Variants in NRXN1 observed in about 807,000 individuals in gnomAD.
NRXN1 encodes neurexin-1.
NRXN1 carries 39 observed loss-of-function variants against 150.9 expected under a neutral mutation model. That is an observed-to-expected ratio of 0.26 (90% confidence interval 0.20 to 0.34). NRXN1 has a LOEUF of 0.34. Among genes scored for constraint, NRXN1 ranks in the 10% least tolerant of loss-of-function variants. The pLI is 1.00. For missense variants in NRXN1, 1,815 were observed against 1,949.9 expected (o/e 0.93, Z 1.30); for synonymous variants, 924 against 757.0 (o/e 1.22, Z -3.62).
chr2:50,823,061 C>T (rs528823454), intron 5 of NRXN1, among the ~76,000 whole-genome samples: 105 of 152,258 alleles, frequency 6.9e-4, no homozygotes, highest in African/African-American at 2.4e-3. Flanking sequence ...TGCACTTGCA[C>T]CCTGGAGACC....
intron 21 of NRXN1, among the ~76,000 whole-genome samples, chr2:49,990,101 T>G (rs984226255): frequency 3.3e-4 from 47 of 144,504 alleles, no homozygotes; most frequent in Non-Finnish European, 6.9e-4. Flanking sequence ...AGCAATAAAT[T>G]TAAAAAAAAA....
rs1554047726 is a variant in NRXN1, at chr2:50,753,964, T to TTGG, written c.833-130350_833-130349insCCA. Among the ~76,000 whole-genome samples, 481 of 117,846 alleles carry TTGG rather than the reference T, an allele frequency of 4.1e-3. 13 individuals carry two copies. The highest frequency in any genetic ancestry group is 0.038 in the Admixed American group (372 of 9,680). The allele number at this position is 117,846 out of a possible 152,430, so 77.3% of individuals were successfully genotyped here. Reference sequence around the variant, plus strand: ...TAAATTCATCATGACGATTTTTTTTTGGGGGGGGGCGGAATTCCCAATGGC... The same window carrying TTGG: ...TAAATTCATCATGACGATTTTTTTTTTGGGGGGGGGGGCGGAATTCCCAATGGC... On this transcript the variant is annotated intron_variant, in intron 5 of 22. Transcript: ENST00000401669.
intron 5 of NRXN1, among the ~76,000 whole-genome samples, chr2:50,843,743 TTGA>T (rs201611867): frequency 0.013 from 1,948 of 152,238 alleles, 19 homozygotes; most frequent in Non-Finnish European, 0.02. Flanking sequence ...GGTAAACAAC[TTGA>T]TGGTTAATTA....
intron 21 of NRXN1, among the ~76,000 whole-genome samples, chr2:49,952,632 CA>C (rs1425106996): frequency 6.6e-6 from 1 of 152,002 alleles, no homozygotes; most frequent in Non-Finnish European, 1.5e-5. Context: ...AAAGAAAATG[CA>C]AATTATTGAA....
At chr2:49,990,030 G>A (rs773554694) in intron 21 of NRXN1, among the ~76,000 whole-genome samples, 14 of 151,754 alleles carry the variant, frequency 9.2e-5, no homozygotes, top group Admixed American at 1.3e-4. Flanking sequence ...CCTCACTTAC[G>A]GATTAGATCA....
At chr2:50,655,943 C>A (rs1230484042) in intron 5 of NRXN1, among the ~76,000 whole-genome samples, 1 of 151,930 alleles carries the variant, frequency 6.6e-6, no homozygotes, top group Non-Finnish European at 1.5e-5. Flanking sequence ...AAACTCAAAT[C>A]ACTTTTAAAC....
intron 17 of NRXN1, among the ~76,000 whole-genome samples, chr2:50,248,658 T>C (rs528901084): frequency 6.6e-6 from 1 of 152,176 alleles, no homozygotes; most frequent in Non-Finnish European, 1.5e-5. Context: ...CATAATGTCA[T>C]TGTAAATATC....
At chr2:50,553,621 G>A (rs537425045) in intron 8 of NRXN1, among the ~76,000 whole-genome samples, 42 of 152,324 alleles carry the variant, frequency 2.8e-4, no homozygotes, top group African/African-American at 8.9e-4. Context: ...GAAGATCCCT[G>A]ACCTGCATCA....
intron 5 of NRXN1, among the ~76,000 whole-genome samples, chr2:50,776,352 T>C (rs1372292560): frequency 1.3e-5 from 2 of 152,040 alleles, no homozygotes; most frequent in African/African-American, 2.4e-5. Flanking sequence ...AATTAACATG[T>C]CCCTGATTTG....
Position 50,346,869 on chromosome 2 carries a change from T to TGCG in NRXN1, c.3365-109902_3365-109900dup, listed in dbSNP as rs1440459434. 26 of 1,382,270 alleles carry TGCG rather than the reference T, an allele frequency of 1.9e-5. No homozygotes were observed. Among genetic ancestry groups the TGCG allele is most frequent in the Admixed American group, 9.5e-5 (3 of 31,614 alleles). 85.6% of individuals were successfully genotyped at this position (1,382,270 alleles called of 1,614,324 possible). On this transcript the variant is annotated intron_variant, in intron 17 of 22. Coordinates refer to ENST00000401669, the MANE Select transcript of NRXN1 (RefSeq NM_001330078.2). This position sits in a 1 kb window ranked among gnomAD's most constrained non-coding sequence, Gnocchi z 5.0. ...TCCAAAGCAGGGCCAGGCGCCCCCC[T>TGCG]GCGCCGCCGCCGCCGCCGCCGCCGC...
chr2:50,381,138 C>G (rs2080927177), intron 17 of NRXN1, among the ~76,000 whole-genome samples: 1 of 152,004 alleles, frequency 6.6e-6, no homozygotes, highest in Non-Finnish European at 1.5e-5. Context: ...ATGAATGGAA[C>G]ATGGATAAGC....
At chr2:50,152,115 ATTG>A (rs2058731701) in intron 18 of NRXN1, among the ~76,000 whole-genome samples, 1 of 151,862 alleles carries the variant, frequency 6.6e-6, no homozygotes, top group Middle Eastern at 3.4e-3. Context: ...GTGCACTCAT[ATTG>A]TTGTACAACG....
intron 17 of NRXN1, among the ~76,000 whole-genome samples, chr2:50,266,002 A>ATTTAT (rs2068814152): frequency 1.2e-5 from 1 of 84,714 alleles, no homozygotes; most frequent in Non-Finnish European, 2.6e-5. Flanking sequence ...ATTATTATTT[A>ATTTAT]TTTTTTTTTT....
At chr2:50,421,018 G>GTGTGTT (rs2083950904) in intron 17 of NRXN1, among the ~76,000 whole-genome samples, 3 of 122,382 alleles carry the variant, frequency 2.5e-5, no homozygotes, top group Non-Finnish European at 5.1e-5. Context: ...GTGTGTGTGT[G>GTGTGTT]TTTCACATTG....
chr2:50,408,307 C>A (rs7599052), intron 17 of NRXN1, among the ~76,000 whole-genome samples: 20,540 of 152,136 alleles, frequency 0.14, 1,998 homozygotes, highest in East Asian at 0.38. Context: ...CAAGATCACA[C>A]TAATAAAGAA....
chr2:50,770,691 C>A (rs1301216256), intron 5 of NRXN1, among the ~76,000 whole-genome samples: 3 of 151,858 alleles, frequency 2.0e-5, no homozygotes, highest in Non-Finnish European at 4.4e-5. Context: ...TTTTTTATTA[C>A]TATTTTTCAA....
At chr2:50,432,570 G>A (rs1431954606) in intron 17 of NRXN1, among the ~76,000 whole-genome samples, 1 of 152,142 alleles carries the variant, frequency 6.6e-6, no homozygotes, top group Non-Finnish European at 1.5e-5. Flanking sequence ...AGTCTGGATT[G>A]CTCATTGTTC....
chr2:50,045,566 G>C (rs992974583), intron 21 of NRXN1, among the ~76,000 whole-genome samples: 3 of 152,050 alleles, frequency 2.0e-5, no homozygotes, highest in Non-Finnish European at 4.4e-5. Context: ...TTATATGTAA[G>C]AGATGAATAA....
At chr2:50,259,382 G>A (rs2068027863) in intron 17 of NRXN1, among the ~76,000 whole-genome samples, 2 of 151,940 alleles carry the variant, frequency 1.3e-5, no homozygotes, top group South Asian at 4.1e-4. Flanking sequence ...AAACATCAGA[G>A]AAGAAACATG....
Sources: allele counts gnomAD v4.1 joint callset (sites outside exome capture counted in the v4.1 genomes callset), GRCh38; gene constraint gnomAD v4.1.1; non-coding constraint Gnocchi (gnomAD v3.1); transcripts MANE v1.5; gene names NCBI Gene and HGNC (gene_info 2026-07-23, HGNC 2026-07-21).